Variants in SAMSN1 observed in about 807,000 individuals in gnomAD.
The protein encoded by SAMSN1 is SAM domain, SH3 domain and nuclear localization signals 1, also known as SAM domain-containing protein SAMSN-1.
In SAMSN1, 31 loss-of-function variants were observed where a neutral mutation model predicts 42.0. The ratio of observed to expected loss-of-function variants is 0.74; its 90% confidence interval spans 0.55 to 1.00. The LOEUF (loss-of-function observed/expected upper bound fraction) is 1.00, where lower values mean the gene tolerates loss of function less well. SAMSN1 is among the 50% of genes least tolerant of loss of function. The pLI, the probability that SAMSN1 is intolerant of heterozygous loss-of-function variation, is 0.00. For synonymous variants in SAMSN1, 178 were observed against 151.9 expected, an observed-to-expected ratio of 1.17 and a Z score of -1.26; for missense variants, 464 against 439.4, an observed-to-expected ratio of 1.06 and a Z score of -0.50.
At chr21:14,582,855 G>C (rs1981793069) in intron 1 of SAMSN1, among the ~76,000 whole-genome samples, 1 of 149,300 alleles carries the variant, frequency 6.7e-6, no homozygotes, top group Non-Finnish European at 1.5e-5. Flanking sequence ...TAATTTTTAA[G>C]GTCATGTGTA....
chr21:14,590,264 G>T (rs1032760475), intron 7 of SAMSN1, among the ~76,000 whole-genome samples: 6 of 32,344 alleles, frequency 1.9e-4, no homozygotes, highest in Non-Finnish European at 5.2e-4. Flanking sequence ...ATAATTGGGA[G>T]AATTTTTTTT....
intron 7 of SAMSN1, among the ~76,000 whole-genome samples, chr21:14,494,106 T>C (rs1313470574): frequency 6.6e-6 from 1 of 152,184 alleles, no homozygotes; most frequent in Non-Finnish European, 1.5e-5. Flanking sequence ...TTTTACACTG[T>C]TAGTGGGAAT....
At chr21:14,641,148 C>T (rs1341329868) in intron 2 of SAMSN1, among the ~76,000 whole-genome samples, 1 of 152,108 alleles carries the variant, frequency 6.6e-6, no homozygotes, top group Non-Finnish European at 1.5e-5. Context: ...ATATCTCTCA[C>T]ACTAATATGT....
At chr21:14,573,384 A>T (rs1035935938) in intron 2 of SAMSN1, among the ~76,000 whole-genome samples, 1 of 152,172 alleles carries the variant, frequency 6.6e-6, no homozygotes, top group African/African-American at 2.4e-5. Context: ...ATTCTTGTTC[A>T]TGAAGAAGTT....
rs893054767 is a variant in SAMSN1, at chr21:14,485,606, C to G, written c.*306G>C. On this transcript the variant is annotated 3_prime_UTR_variant, in exon 8 of 8. Transcript: ENST00000400566. ...AAGGTTACTTTGTTTTTTGCAGATA[C>G]TGTACTTGTAAAATAAAGCCAAATA... is the stretch of plus-strand genomic sequence containing the variant. 4.9e-6 allele frequency: 1 copy of G among 203,752 alleles called. No individual in the cohort carries two copies. The highest frequency in any genetic ancestry group is 1.0e-5 in the Non-Finnish European group (1 of 100,352). 12.6% of individuals were successfully genotyped at this position (203,752 alleles called of 1,614,324 possible).
In SAMSN1 at chr21:14,652,236, T is replaced by G. The variant is rs535992616; in HGVS notation, c.24+6512A>C. Among the ~76,000 whole-genome samples the G allele has an allele frequency of 2.1e-4, 32 of 152,000 alleles. No homozygotes were observed. The East Asian group carries it at 6.2e-3, about 29-fold the overall frequency. ...ACAAAAGACACAGAATAGCCAAAGC[T>G]ATCCTAAGCAAAAAGAACAAAACTG... On this transcript the variant is annotated intron_variant, in intron 1 of 15. Transcript: ENST00000647101.
chr21:14,605,406 T>A (rs188337091), intron 5 of SAMSN1, among the ~76,000 whole-genome samples: 21 of 152,320 alleles, frequency 1.4e-4, no homozygotes, highest in Admixed American at 1.4e-3. Context: ...AGGACTTCCC[T>A]CTGGTATTCC....
At chr21:14,512,604 G>C (rs1987736635) in intron 3 of SAMSN1, 31 bp from the exon 4 acceptor site, 1 of 1,610,116 alleles carries the variant, frequency 6.2e-7, no homozygotes, top group African/African-American at 1.3e-5. Flanking sequence ...GTTAGGTACA[G>C]AGAGAAGATT....
rs538785070 is a variant in SAMSN1 at position 14,554,283 on chromosome 21, G to A, written c.261+27853C>T. Among the ~76,000 whole-genome samples, 3 of 152,142 alleles carry A rather than the reference G, an allele frequency of 2.0e-5. No homozygotes were observed. The South Asian group carries it at 6.2e-4, about 32-fold the overall frequency. Reference sequence around the variant, plus strand: ...CTCTGTCATTTACCTGGGTGCCCTTGACAAGTTATTTAGCCTTTCCATAAA... The same window carrying A: ...CTCTGTCATTTACCTGGGTGCCCTTAACAAGTTATTTAGCCTTTCCATAAA... On this transcript the variant is annotated intron_variant, in intron 2 of 8. Coordinates refer to the SAMSN1 transcript ENST00000285670.
upstream of SAMSN1, among the ~76,000 whole-genome samples, chr21:14,546,706 T>A (rs1322874948): frequency 6.6e-6 from 1 of 151,904 alleles, no homozygotes; most frequent in Non-Finnish European, 1.5e-5. Context: ...TAGTCAATTT[T>A]GTATATATTT....
At chr21:14,658,977 C>T (rs951901742), upstream of SAMSN1, among the ~76,000 whole-genome samples, 4 of 151,806 alleles carry the variant, frequency 2.6e-5, no homozygotes, top group Admixed American at 1.3e-4. Context: ...TAATGAAGAA[C>T]GCTGATGCAT....
chr21:14,512,358 C>G (rs1987722521), intron 4 of SAMSN1, 86 bp downstream of exon 4: 1 of 1,412,760 alleles, frequency 7.1e-7, no homozygotes, highest in African/African-American at 1.4e-5. Context: ...TAGCTGGAAC[C>G]TTGTGGCTGA....
At chr21:14,566,519 TAA>T (rs1981123475) in intron 2 of SAMSN1, among the ~76,000 whole-genome samples, 1 of 151,922 alleles carries the variant, frequency 6.6e-6, no homozygotes, top group Non-Finnish European at 1.5e-5. Context: ...AAAAATCTAA[TAA>T]AACCTTCCAT....
chr21:14,654,740 T>C (rs968988209), intron 1 of SAMSN1, among the ~76,000 whole-genome samples: 4 of 151,982 alleles, frequency 2.6e-5, no homozygotes, highest in African/African-American at 7.2e-5. Flanking sequence ...TATATCTGCT[T>C]GGAATAAGAT....
At chr21:14,637,730 T>C (rs186260394) in intron 2 of SAMSN1, among the ~76,000 whole-genome samples, 41 of 152,318 alleles carry the variant, frequency 2.7e-4, no homozygotes, top group Non-Finnish European at 4.7e-4. Context: ...AAAAAAGGTC[T>C]TAATCTATTA....
rs115205795 is a variant in SAMSN1 at position 14,566,543 on chromosome 21, A to T, written c.261+15593T>A. Among the ~76,000 whole-genome samples the T allele has an allele frequency of 9.6e-3, 1,443 of 150,932 alleles. 16 individuals carry two copies. The highest frequency in any genetic ancestry group is 0.032 in the African/African-American group (1,302 of 40,808). On this transcript the variant is annotated intron_variant, in intron 2 of 8. Coordinates refer to the SAMSN1 transcript ENST00000285670. ...ATAAAACCTTCCATATATATATATA[A>T]AATTTTTTTTTTGAGACAGGGTCTC...
At chr21:14,508,804 C>A (rs1300058138) in intron 5 of SAMSN1, among the ~76,000 whole-genome samples, 2 of 152,166 alleles carry the variant, frequency 1.3e-5, no homozygotes, top group Non-Finnish European at 2.9e-5. Context: ...GGAACCAACC[C>A]AAATGACCAT....
chr21:14,498,174 G>T (rs1202018429), intron 7 of SAMSN1, among the ~76,000 whole-genome samples: 1 of 152,212 alleles, frequency 6.6e-6, no homozygotes, highest in African/African-American at 2.4e-5. Flanking sequence ...GCATCCACTT[G>T]CATGTAAATT....
chr21:14,513,521 G>A lies in SAMSN1; in HGVS notation c.280-948C>T, dbSNP rs375521335. ...GTTAGCTGTGTGTGTTTGTGTGTGC[G>A]TGTGTGTGTGTCTGTGTAGAGTATT... is the stretch of plus-strand genomic sequence containing the variant. On this transcript the variant is annotated intron_variant, in intron 3 of 7. Coordinates refer to ENST00000400566, the MANE Select transcript of SAMSN1 (RefSeq NM_022136.5). Among the ~76,000 whole-genome samples the A allele has an allele frequency of 7.2e-5, 6 of 83,390 alleles. 1 individual carries two copies. The highest frequency in any genetic ancestry group is 0.015 in the Middle Eastern group (2 of 136). The allele number at this position is 83,390 out of a possible 152,430, so 54.7% of individuals were successfully genotyped here.
Sources: allele counts gnomAD v4.1 joint callset (sites outside exome capture counted in the v4.1 genomes callset), GRCh38; gene constraint gnomAD v4.1.1; transcripts MANE v1.5; gene names NCBI Gene and HGNC (gene_info 2026-07-23, HGNC 2026-07-21).